The following CAMKMT variants were observed in gnomAD, a reference collection of about 807,000 sequenced individuals.
CAMKMT encodes the protein CaM KMT.
A neutral mutation model predicts 48.0 loss-of-function variants in CAMKMT; 53 were observed. The ratio of observed to expected loss-of-function variants is 1.10; its 90% CI spans 0.89 to 1.39. CAMKMT has a LOEUF of 1.39. Ranked by LOEUF, CAMKMT falls within the 40% of genes most tolerant of loss-of-function variation. The pLI, the probability that CAMKMT is intolerant of heterozygous loss-of-function variation, is 0.00. For missense variants in CAMKMT, 428 were observed against 402.7 expected (o/e 1.06, Z -0.54); for synonymous variants, 165 against 152.3 (o/e 1.08, Z -0.61).
At chr2:44,596,109 C>T (rs1490192648) in intron 3 of CAMKMT, among the ~76,000 whole-genome samples, 1 of 150,732 alleles carries the variant, frequency 6.6e-6, no homozygotes. Flanking sequence ...ATGTTCTGCA[C>T]ATGTACCCCA....
At chr2:44,487,236 T>C (rs1366588931) in intron 3 of CAMKMT, among the ~76,000 whole-genome samples, 1 of 152,200 alleles carries the variant, frequency 6.6e-6, no homozygotes, top group Non-Finnish European at 1.5e-5. Flanking sequence ...TAAGTTACTT[T>C]ATAAAAATGT....
intron 2 of CAMKMT, among the ~76,000 whole-genome samples, chr2:44,389,074 A>G (rs1461978570): frequency 6.6e-6 from 1 of 152,024 alleles, no homozygotes; most frequent in Non-Finnish European, 1.5e-5. Context: ...ACCTCCCAAG[A>G]GTATATGCCC....
chr2:44,754,282 AT>A (rs1362684684), intron 9 of CAMKMT, among the ~76,000 whole-genome samples, 164 bp downstream of exon 9: 1 of 152,180 alleles, frequency 6.6e-6, no homozygotes, highest in Non-Finnish European at 1.5e-5. Flanking sequence ...TTCTTTCCTA[AT>A]CATAACTAGG....
At chr2:44,743,906 T>C (rs184790916) in intron 8 of CAMKMT, among the ~76,000 whole-genome samples, 1 of 152,326 alleles carries the variant, frequency 6.6e-6, no homozygotes, top group Admixed American at 6.5e-5. Context: ...TTCCCAAAGA[T>C]TGATTTTGAG....
At chr2:44,377,961 G>A (rs1649764404) in intron 2 of CAMKMT, among the ~76,000 whole-genome samples, 1 of 152,142 alleles carries the variant, frequency 6.6e-6, no homozygotes, top group South Asian at 2.1e-4. Context: ...TAGATGTATG[G>A]CAGATTATTT....
At chr2:44,752,515 C>T (rs536977272) in intron 8 of CAMKMT, among the ~76,000 whole-genome samples, 1 of 152,266 alleles carries the variant, frequency 6.6e-6, no homozygotes, top group East Asian at 1.9e-4. Flanking sequence ...TATGCTTTCA[C>T]CTGTCCCCAC....
Position 44,487,675 on chromosome 2 carries a change from C to G in CAMKMT, c.376+97370C>G, listed in dbSNP as rs184967029. Reference sequence around the variant, plus strand: ...GTGTGAAGGCAATCATAGACACAACCTGTGTCCTGGGATGAGATATGTGAA... The same window carrying G: ...GTGTGAAGGCAATCATAGACACAACGTGTGTCCTGGGATGAGATATGTGAA... On this transcript the variant is annotated intron_variant, in intron 3 of 10. Coordinates refer to ENST00000378494, the MANE Select transcript of CAMKMT (RefSeq NM_024766.5). 2.4e-3 allele frequency among the ~76,000 whole-genome samples: 361 copies of G among 152,334 alleles called. 1 individual carries two copies. The highest frequency in any genetic ancestry group is 8.2e-3 in the African/African-American group (339 of 41,572).
rs1348532787 is a variant in CAMKMT, at chr2:44,591,353, C to T, written c.377-112930C>T. ...TATAAATTACCTTGGGCAGTATGAC[C>T]ATTTTCACGATATTGATTCTTCCTA... On this transcript the variant is annotated intron_variant, in intron 3 of 10. Transcript: ENST00000378494. Among the ~76,000 whole-genome samples the T allele has an allele frequency of 3.9e-5, 6 of 152,258 alleles. No homozygotes were observed. In the East Asian group the frequency reaches 9.6e-4, roughly 24 times the overall value.
At chr2:44,442,249 T>C (rs780971785) in intron 3 of CAMKMT, among the ~76,000 whole-genome samples, 5 of 152,142 alleles carry the variant, frequency 3.3e-5, no homozygotes, top group Non-Finnish European at 7.4e-5. Flanking sequence ...CATCTGTGGC[T>C]CTAGTGGAGA....
chr2:44,483,693 A>G (rs1669083949), intron 3 of CAMKMT, among the ~76,000 whole-genome samples: 1 of 152,174 alleles, frequency 6.6e-6, no homozygotes, highest in African/African-American at 2.4e-5. Flanking sequence ...ATATAAAACA[A>G]AAATAATTAT....
chr2:44,680,659 G>A (rs901706857), intron 3 of CAMKMT, among the ~76,000 whole-genome samples: 2 of 152,120 alleles, frequency 1.3e-5, no homozygotes, highest in African/African-American at 4.8e-5. Context: ...AATTCCCTAA[G>A]AAGCAGAAAG....
At chr2:44,596,598 T>C (rs1317662674) in intron 3 of CAMKMT, among the ~76,000 whole-genome samples, 3 of 152,158 alleles carry the variant, frequency 2.0e-5, no homozygotes, top group Non-Finnish European at 1.5e-5. Context: ...TTAGAACCAC[T>C]GATTTGATCA....
At position 44,553,485 on chromosome 2, in the gene CAMKMT, T is replaced by C. The variant is rs1667836654; in HGVS notation, c.377-150798T>C. Among the ~76,000 whole-genome samples, 4 of 152,050 alleles carry C rather than the reference T, an allele frequency of 2.6e-5. No individual in the cohort carries two copies. The South Asian group carries it at 6.2e-4, about 24-fold the overall frequency. On this transcript the variant is annotated intron_variant, in intron 3 of 10. Transcript: ENST00000378494. ...AGGTGATTCTTGTGTCTAAGACTCC[T>C]GAGTAGCTGCGACTATAGGCATGGG...
Position 44,772,174 on chromosome 2 carries a change from A to C in CAMKMT, c.*61A>C. 1 of 1,451,712 alleles carries C rather than the reference A, an allele frequency of 6.9e-7. No homozygotes were observed. The highest frequency in any genetic ancestry group is 2.3e-5 in the East Asian group (1 of 44,110). The allele number at this position is 1,451,712 out of a possible 1,614,324, so 89.9% of individuals were successfully genotyped here. On this transcript the variant is annotated 3_prime_UTR_variant, in exon 11 of 11. Transcript: ENST00000378494. Reference sequence around the variant, plus strand: ...AGTGCATAGGGAATATTTTTACAAAAACGGAAATCTGTAAGGGGTATAATC... The same window carrying C: ...AGTGCATAGGGAATATTTTTACAAACACGGAAATCTGTAAGGGGTATAATC...
At chr2:44,716,821 A>T (rs1678198470) in intron 7 of CAMKMT, among the ~76,000 whole-genome samples, 1 of 152,146 alleles carries the variant, frequency 6.6e-6, no homozygotes, top group African/African-American at 2.4e-5. Flanking sequence ...GTCATTTGTG[A>T]GCATTTGAGT....
rs943100863 is a variant in CAMKMT, at chr2:44,653,467, G to C, written c.377-50816G>C. 5.9e-5 allele frequency among the ~76,000 whole-genome samples: 9 copies of C among 152,070 alleles called. No homozygotes were observed. Among genetic ancestry groups the C allele is most frequent in the African/African-American group, 1.9e-4 (8 of 41,408 alleles). ...TTTATCTCATTGATAGAGAAACATG[G>C]GCCCTTAGGAGTGAAGTAACTTGTC... On this transcript the variant is annotated intron_variant, in intron 3 of 10. Coordinates refer to ENST00000378494, the MANE Select transcript of CAMKMT (RefSeq NM_024766.5). The surrounding 1 kb of genome is among the most constrained non-coding windows in gnomAD (Gnocchi z 5.2).
intron 8 of CAMKMT, among the ~76,000 whole-genome samples, chr2:44,747,098 C>T (rs1383642494): frequency 1.3e-5 from 2 of 152,286 alleles, no homozygotes; most frequent in Middle Eastern, 3.4e-3. Flanking sequence ...ACAATCAGCA[C>T]ATCTGTGTGC....
intron 3 of CAMKMT, among the ~76,000 whole-genome samples, chr2:44,624,188 T>G (rs1372079394): frequency 6.6e-6 from 1 of 152,192 alleles, no homozygotes; most frequent in East Asian, 1.9e-4. Flanking sequence ...TGTTTCCAGC[T>G]GGAAGCTATT....
chr2:44,361,996 G>C lies in CAMKMT; in HGVS notation c.-12G>C. On this transcript the variant is annotated 5_prime_UTR_variant, in exon 1 of 11. Transcript: ENST00000378494. Reference sequence around the variant, plus strand: ...GGCGGTGGCACCTCCGGGTGTGGAAGGCTCCAGTGAGATGGAGTCGCGAGT... The same window carrying C: ...GGCGGTGGCACCTCCGGGTGTGGAACGCTCCAGTGAGATGGAGTCGCGAGT... 1 of 1,384,066 alleles carries C rather than the reference G, an allele frequency of 7.2e-7. No homozygotes were observed. The highest frequency in any genetic ancestry group is 9.3e-7 in the Non-Finnish European group (1 of 1,072,852). 85.7% of individuals were successfully genotyped at this position (1,384,066 alleles called of 1,614,324 possible). A position where few individuals can be genotyped will look rare whatever the true frequency, so the allele number is the denominator to read the frequency against.
Sources: allele counts gnomAD v4.1 joint callset (sites outside exome capture counted in the v4.1 genomes callset), GRCh38; gene constraint gnomAD v4.1.1; non-coding constraint Gnocchi (gnomAD v3.1); transcripts MANE v1.5; gene names NCBI Gene and HGNC (gene_info 2026-07-23, HGNC 2026-07-21).